The following SLC35E2B variants were observed in gnomAD, a reference collection of about 807,000 sequenced individuals.
SLC35E2B encodes solute carrier family 35 member E2B, also known as solute carrier family 35, member E2B.
Under a neutral mutation model 32.4 loss-of-function variants are expected in SLC35E2B, and 18 were observed. That is an observed-to-expected ratio of 0.56 (90% CI 0.38 to 0.82). The LOEUF is 0.82. Among genes scored for constraint, SLC35E2B ranks in the 40% least tolerant of loss-of-function variants. The probability of loss-of-function intolerance (pLI) is 0.00; values close to 1 mark genes in which losing one functional copy is unlikely to be tolerated. For missense variants in SLC35E2B, 263 were observed against 469.5 expected (o/e 0.56, Z 4.06); for synonymous variants, 132 against 209.1 (o/e 0.63, Z 3.18).
At chr1:1,688,321 A>C (rs1457450446) in intron 2 of SLC35E2B, among the ~76,000 whole-genome samples, 1 of 152,102 alleles carries the variant, frequency 6.6e-6, no homozygotes, top group African/African-American at 2.4e-5. Flanking sequence ...AAAAGCTTAG[A>C]AACGGCCGGG....
chr1:1,692,145 G>GTT (rs1212059328), intron 1 of SLC35E2B, among the ~76,000 whole-genome samples: 1 of 117,890 alleles, frequency 8.5e-6, no homozygotes, highest in African/African-American at 3.8e-5. Flanking sequence ...TTTGTTTTGT[G>GTT]TTTTTTTGTT....
At position 1,680,383 on chromosome 1, in the gene SLC35E2B, C is replaced by T. The variant is rs184094052; in HGVS notation, c.-147-3537G>A. Among the ~76,000 whole-genome samples the T allele has an allele frequency of 4.3e-3, 659 of 152,298 alleles. 4 individuals carry two copies. Among genetic ancestry groups the T allele is most frequent in the African/African-American group, 0.014 (595 of 41,546 alleles). ...AAACAAAGGCCTCTCCATGCAGCTG[C>T]GCTGGGACGCGGGTTCTCTGTCCGA... is the stretch of plus-strand genomic sequence containing the variant. On this transcript the variant is annotated intron_variant, in intron 2 of 9. Coordinates refer to ENST00000617444, the MANE Select transcript of SLC35E2B (RefSeq NM_001290264.2).
At chr1:1,682,472 C>T (rs1321738560) in intron 2 of SLC35E2B, among the ~76,000 whole-genome samples, 1 of 152,106 alleles carries the variant, frequency 6.6e-6, no homozygotes, top group African/African-American at 2.4e-5. Flanking sequence ...GTCAAAGGGA[C>T]GGACCCCAAG....
Position 1,680,685 on chromosome 1 carries a change from C to T in SLC35E2B, c.-147-3839G>A, listed in dbSNP as rs181784865. 2.3e-3 allele frequency among the ~76,000 whole-genome samples: 350 copies of T among 152,184 alleles called. 13 individuals carry two copies. Among genetic ancestry groups the T allele is most frequent in the Admixed American group, 0.02 (299 of 15,294 alleles). On this transcript the variant is annotated intron_variant, in intron 2 of 9. Coordinates refer to ENST00000617444, the MANE Select transcript of SLC35E2B (RefSeq NM_001290264.2). ...TCTGCAGGACTTCACTACCATGAACCGTCCTCACCCCCAGCATCCCTGTCC... is the reference window on the plus strand; with the variant it reads ...TCTGCAGGACTTCACTACCATGAACTGTCCTCACCCCCAGCATCCCTGTCC...
chr1:1,677,721 C>T (rs1458894436), intron 2 of SLC35E2B, among the ~76,000 whole-genome samples: 10 of 151,654 alleles, frequency 6.6e-5, no homozygotes, highest in Non-Finnish European at 1.0e-4. Flanking sequence ...CTCCTGACCT[C>T]GTGAACCGCC....
At chr1:1,678,113 G>A (rs757834427) in intron 2 of SLC35E2B, among the ~76,000 whole-genome samples, 20 of 152,226 alleles carry the variant, frequency 1.3e-4, no homozygotes, top group South Asian at 2.1e-4. Flanking sequence ...GTGTGGTGCC[G>A]GCCGTGCTGC....
intron 2 of SLC35E2B, among the ~76,000 whole-genome samples, chr1:1,686,285 C>T (rs1375633936): frequency 6.6e-6 from 1 of 150,498 alleles, no homozygotes; most frequent in Non-Finnish European, 1.5e-5. Context: ...TTACAGGCAT[C>T]AGCCACTGCG....
At chr1:1,679,550 G>C (rs1302650280) in intron 2 of SLC35E2B, among the ~76,000 whole-genome samples, 1 of 152,122 alleles carries the variant, frequency 6.6e-6, no homozygotes, top group African/African-American at 2.4e-5. Context: ...TTCTGGGCCA[G>C]GCGCCGTGGC....
At chr1:1,671,906 C>A (rs1296411633) in intron 5 of SLC35E2B, 3 of 283,466 alleles carry the variant, frequency 1.1e-5, no homozygotes, top group Non-Finnish European at 2.0e-5. Context: ...GCCACAGAAA[C>A]CTTCCTGATT....
chr1:1,668,700 C>T (rs534174929), intron 8 of SLC35E2B, among the ~76,000 whole-genome samples: 5 of 152,266 alleles, frequency 3.3e-5, no homozygotes, highest in Admixed American at 6.5e-5. Flanking sequence ...TTTCACCATG[C>T]AGATGCAAAT....
chr1:1,668,327 C>A lies in SLC35E2B; in HGVS notation c.980G>T (p.Ser327Ile), dbSNP rs1228117285. 6.2e-6 allele frequency: 10 copies of A among 1,606,260 alleles called. No individual in the cohort carries two copies. Among genetic ancestry groups the A allele is most frequent in the Non-Finnish European group, 7.6e-6 (9 of 1,176,630 alleles). The change falls in exon 9 of 10, where the codon AGC becomes ATC. Residue 327 changes from serine to isoleucine, a missense_variant and splice_region_variant. Around this residue, in one of 7 missense-constraint regions of SLC35E2B, gnomAD observed 38 missense variants for 56.9 expected, o/e 0.67. Coordinates refer to ENST00000617444, the MANE Select transcript of SLC35E2B (RefSeq NM_001290264.2). ...ACTCTTGGGAAGTTCCTCTGCTCAC[C>A]TGAAAGTCACCGGGGAGATTTTCCC... Reference protein sequence around the residue: ...LMGKISPVTFSVASTVKHALS... With the variant: ...LMGKISPVTFIVASTVKHALS...
chr1:1,662,740 TA>T lies in SLC35E2B; in HGVS notation c.*3041del. On this transcript the variant is annotated 3_prime_UTR_variant, in exon 10 of 10. Transcript: ENST00000617444. ...CCTTGAAAGAGAGCTGCAAATCTCT[TA>T]AGTATCAACGTAAAGAAGCCGATGA... 1.4e-6 allele frequency: 1 copy of T among 699,380 alleles called. No individual in the cohort carries two copies. The highest frequency in any genetic ancestry group is 1.7e-6 in the Non-Finnish European group (1 of 602,442). The allele number at this position is 699,380 out of a possible 1,614,324, so 43.3% of individuals were successfully genotyped here.
intron 2 of SLC35E2B, among the ~76,000 whole-genome samples, chr1:1,679,689 G>A (rs367986490): frequency 2.8e-4 from 43 of 151,278 alleles, no homozygotes; most frequent in South Asian, 4.2e-4. Flanking sequence ...AAAATCAGCC[G>A]GGTGTGGTGG....
chr1:1,668,183 A>G, intron 9 of SLC35E2B, 144 bp downstream of exon 9: 1 of 1,206,606 alleles, frequency 8.3e-7, no homozygotes, highest in Non-Finnish European at 1.1e-6. Flanking sequence ...CATGGGTATA[A>G]AATAGCCTAG....
At position 1,666,019 on chromosome 1, in the gene SLC35E2B, G is replaced by A. The variant is rs372355336; in HGVS notation, c.981C>T (p.Ser327=). 1.5e-5 allele frequency: 24 copies of A among 1,549,416 alleles called. No individual in the cohort carries two copies. The highest frequency in any genetic ancestry group is 1.7e-4 in the Middle Eastern group (1 of 6,010). ...LMGKISPVTF[S]VASTVKHALS... is the part of the protein sequence containing the mutation. ...AGGCATGTTTCACGGTGCTGGCGAC[G>A]CTGCGGAGGCAAGGGGAGGCAGCAG... is the stretch of plus-strand genomic sequence containing the variant. The change falls in exon 10 of 10, where the codon AGC becomes AGT. Residue 327 remains serine, a splice_region_variant and synonymous_variant. Coordinates refer to ENST00000617444, the MANE Select transcript of SLC35E2B (RefSeq NM_001290264.2).
chr1:1,670,355 C>G (rs1643655823), intron 6 of SLC35E2B: 1 of 504,800 alleles, frequency 2.0e-6, no homozygotes, highest in East Asian at 3.5e-5. Flanking sequence ...CTCCTGACCT[C>G]AAGTGATCCA....
rs1378893167 is a variant in SLC35E2B, at chr1:1,662,414, G to A, written c.*3368C>T. ...GTTGGCCTGTTATTCCCACTGACCC[G>A]TCTGAGTGATCACCCAGGAGCGCGG... On this transcript the variant is annotated 3_prime_UTR_variant, in exon 10 of 10. Transcript: ENST00000617444. The A allele has an allele frequency of 5.5e-5, 48 of 875,524 alleles. 7 individuals are homozygous for A. The highest frequency in any genetic ancestry group is 1.1e-4 in the African/African-American group (5 of 46,732). 54.2% of individuals were successfully genotyped at this position (875,524 alleles called of 1,614,324 possible). A position where few individuals can be genotyped will look rare whatever the true frequency, so the allele number is the denominator to read the frequency against.
Position 1,670,149 on chromosome 1 carries a change from A to G in SLC35E2B, c.710T>C (p.Leu237Ser). ...CAGCTTTTTTGAAAAAACATTTTGCAAACTAGAATAAAGAAAAGAGGTTAT... is the reference window on the plus strand; with the variant it reads ...CAGCTTTTTTGAAAAAACATTTTGCGAACTAGAATAAAGAAAAGAGGTTAT... ...AALSTNIMDC[L>S]QNVFSKKLLS... Residue 237 changes from leucine to serine, a missense_variant and splice_region_variant, in exon 7 of 10, where the codon TTG becomes TCG. Physicochemically the swap from Leu to Ser is moderately radical, Grantham distance 145 (BLOSUM62 -2). This residue lies in a region of SLC35E2B where 129 missense variants were observed against 164.5 expected (regional missense o/e 0.78). Coordinates refer to ENST00000617444, the MANE Select transcript of SLC35E2B (RefSeq NM_001290264.2). 1 of 1,550,228 alleles carries G rather than the reference A, an allele frequency of 6.5e-7. No homozygotes were observed. The highest frequency in any genetic ancestry group is 8.7e-7 in the Non-Finnish European group (1 of 1,145,340).
chr1:1,666,151 C>T, intron 9 of SLC35E2B, 132 bp from the exon 10 acceptor site: 1 of 1,123,508 alleles, frequency 8.9e-7, no homozygotes, highest in Non-Finnish European at 1.2e-6. Flanking sequence ...TGACATCAGC[C>T]CTGCGGCCAG....
Sources: allele counts gnomAD v4.1 joint callset (sites outside exome capture counted in the v4.1 genomes callset), GRCh38; gene constraint gnomAD v4.1.1; regional missense constraint gnomAD v4.1.1; transcripts MANE v1.5; gene names NCBI Gene and HGNC (gene_info 2026-07-23, HGNC 2026-07-21).